Variants in SLC39A11 observed in about 807,000 individuals in gnomAD.
SLC39A11 encodes the protein solute carrier family 39 member 11.
SLC39A11 carries 33 observed loss-of-function variants against 36.1 expected under a neutral mutation model. That is an observed-to-expected ratio of 0.91 (90% CI 0.69 to 1.22). SLC39A11 has a LOEUF of 1.22. Among genes scored for constraint, SLC39A11 ranks in the 50% most tolerant of loss-of-function variants. The probability of loss-of-function intolerance (pLI) is 0.00; values close to 1 mark genes in which losing one functional copy is unlikely to be tolerated. For synonymous variants in SLC39A11, 166 were observed against 170.3 expected (o/e 0.97, Z 0.20); for missense variants, 432 against 430.3 (o/e 1.00, Z -0.03).
chr17:72,740,361 G>A (rs760662688), intron 6 of SLC39A11, among the ~76,000 whole-genome samples: 4 of 151,970 alleles, frequency 2.6e-5, no homozygotes, highest in Admixed American at 2.0e-4. Context: ...CACCGCGCCC[G>A]GCCAGAATTT....
At chr17:72,943,094 T>C (rs2085215487) in intron 5 of SLC39A11, among the ~76,000 whole-genome samples, 1 of 152,154 alleles carries the variant, frequency 6.6e-6, no homozygotes, top group African/African-American at 2.4e-5. Context: ...GAGGACACTG[T>C]GATACCTGGA....
intron 5 of SLC39A11, among the ~76,000 whole-genome samples, chr17:72,945,690 T>A (rs140230976): frequency 1.3e-5 from 2 of 152,234 alleles, no homozygotes; most frequent in African/African-American, 4.8e-5. Flanking sequence ...TGCCTAGTGT[T>A]CTTGAGCAGG....
intron 4 of SLC39A11, among the ~76,000 whole-genome samples, chr17:73,008,105 A>AAAAAACAAAAAG (rs1555676131): frequency 7.2e-6 from 1 of 139,624 alleles, no homozygotes; most frequent in Non-Finnish European, 1.5e-5. Context: ...TCAGTCTCAA[A>AAAAAACAAAAAG]AAAAAGAAAA....
At chr17:72,775,016 G>A (rs1301612117) in intron 6 of SLC39A11, among the ~76,000 whole-genome samples, 4 of 151,570 alleles carry the variant, frequency 2.6e-5, no homozygotes, top group Admixed American at 1.3e-4. Context: ...AAATAAGCTC[G>A]TGGCACCCAC....
At chr17:72,953,130 A>G (rs2085987631) in intron 4 of SLC39A11, among the ~76,000 whole-genome samples, 1 of 152,042 alleles carries the variant, frequency 6.6e-6, no homozygotes, top group African/African-American at 2.4e-5. Context: ...TGGAGGCATG[A>G]GGTACCACCC....
At chr17:72,798,515 G>T (rs116531582) in intron 6 of SLC39A11, among the ~76,000 whole-genome samples, 4,740 of 149,024 alleles carry the variant, frequency 0.032, 258 homozygotes, top group African/African-American at 0.11. Flanking sequence ...CCAGGTTCAT[G>T]CAATTCTCCG....
At chr17:72,910,926 CAAAAAA>C (rs199741291) in intron 5 of SLC39A11, among the ~76,000 whole-genome samples, 17,015 of 111,790 alleles carry the variant, frequency 0.15, 1,204 homozygotes, top group South Asian at 0.28. Flanking sequence ...GACTCCACCT[CAAAAAA>C]AAAAAAAAAA....
At chr17:72,797,108 T>C (rs1308416601) in intron 6 of SLC39A11, among the ~76,000 whole-genome samples, 1 of 152,076 alleles carries the variant, frequency 6.6e-6, no homozygotes. Context: ...CACACATTGT[T>C]CCATGTTCAA....
chr17:72,797,918 A>G (rs1026213498), intron 6 of SLC39A11, among the ~76,000 whole-genome samples: 1 of 152,140 alleles, frequency 6.6e-6, no homozygotes, highest in African/African-American at 2.4e-5. Flanking sequence ...GCCTAGGAGT[A>G]CATTTCCTAT....
chr17:72,656,212 T>C (rs2070111530), intron 7 of SLC39A11, among the ~76,000 whole-genome samples: 1 of 152,110 alleles, frequency 6.6e-6, no homozygotes, highest in Non-Finnish European at 1.5e-5. Context: ...CTGAAGACAG[T>C]GAAGCTGCTG....
intron 5 of SLC39A11, among the ~76,000 whole-genome samples, chr17:72,917,078 G>T (rs972508460): frequency 6.6e-6 from 1 of 152,188 alleles, no homozygotes; most frequent in South Asian, 2.1e-4. Context: ...GTGGTCCACC[G>T]CTTGGTAAAA....
At chr17:72,968,800 C>T (rs1284289490) in intron 4 of SLC39A11, among the ~76,000 whole-genome samples, 3 of 152,318 alleles carry the variant, frequency 2.0e-5, no homozygotes, top group East Asian at 1.9e-4. Flanking sequence ...TACACACGTG[C>T]GGACGACACA....
At chr17:72,713,411 G>T (rs1440058387) in intron 7 of SLC39A11, among the ~76,000 whole-genome samples, 1 of 150,744 alleles carries the variant, frequency 6.6e-6, no homozygotes, top group African/African-American at 2.4e-5. Flanking sequence ...GGTGTAGATG[G>T]GAGAGTTTCC....
At chr17:73,083,352 C>G (rs536019699) in intron 3 of SLC39A11, among the ~76,000 whole-genome samples, 1 of 152,150 alleles carries the variant, frequency 6.6e-6, no homozygotes, top group Non-Finnish European at 1.5e-5. Context: ...GTGTTTTTGA[C>G]GGAACAGTGG....
intron 7 of SLC39A11, among the ~76,000 whole-genome samples, chr17:72,684,119 T>G (rs1295361798): frequency 3.3e-5 from 5 of 152,192 alleles, no homozygotes; most frequent in African/African-American, 1.2e-4. Context: ...CACAGGGCTC[T>G]TTCCCCAGGT....
chr17:73,085,104 ACT>A (rs1415434517), intron 2 of SLC39A11, among the ~76,000 whole-genome samples: 1 of 152,134 alleles, frequency 6.6e-6, no homozygotes, highest in Non-Finnish European at 1.5e-5. Flanking sequence ...GTTGTCTCTT[ACT>A]CAGCTTTCCC....
intron 7 of SLC39A11, among the ~76,000 whole-genome samples, chr17:72,696,041 G>A (rs1567956061): frequency 6.6e-6 from 1 of 152,238 alleles, no homozygotes; most frequent in East Asian, 1.9e-4. Flanking sequence ...TGGATGCTGG[G>A]CGTGGTGAAA....
intron 3 of SLC39A11, among the ~76,000 whole-genome samples, chr17:73,055,646 G>A (rs1434472232): frequency 6.6e-6 from 1 of 151,938 alleles, no homozygotes; most frequent in East Asian, 1.9e-4. Context: ...GCGAGGGGCA[G>A]GGGTGGAGGG....
Position 72,909,831 on chromosome 17 carries a change from C to T in SLC39A11, c.430+37921G>A, listed in dbSNP as rs544898343. On this transcript the variant is annotated intron_variant, in intron 5 of 9. Coordinates refer to ENST00000255559, the MANE Select transcript of SLC39A11 (RefSeq NM_139177.4). Reference sequence around the variant, plus strand: ...CGTGATCTCGGCTCACTGCAACCTCCGCTTCCCGCGTTCACGCCATTCTCC... The same window carrying T: ...CGTGATCTCGGCTCACTGCAACCTCTGCTTCCCGCGTTCACGCCATTCTCC... Among the ~76,000 whole-genome samples, 423 of 151,160 alleles carry T rather than the reference C, an allele frequency of 2.8e-3. 2 individuals carry two copies. The highest frequency in any genetic ancestry group is 2.0e-3 in the Non-Finnish European group (133 of 67,754).
Sources: gnomAD v4.1 joint callset for allele counts (sites outside exome capture counted in the v4.1 genomes callset) on GRCh38, gnomAD v4.1.1 for gene constraint, MANE v1.5 for transcripts, NCBI Gene and HGNC (gene_info 2026-07-23, HGNC 2026-07-21) for gene names.